TTLL1: variants seen among roughly 807,000 people sequenced by gnomAD.
TTLL1 encodes the protein polyglutamylase complex subunit TTLL1.
TTLL1 carries 33 observed loss-of-function variants against 47.8 expected under a neutral mutation model. The ratio of observed to expected loss-of-function variants is 0.69; its 90% confidence interval spans 0.52 to 0.92. The LOEUF (loss-of-function observed/expected upper bound fraction) is 0.92, where lower values mean the gene tolerates loss of function less well. Among genes scored for constraint, TTLL1 ranks in the 40% least tolerant of loss-of-function variants. The pLI, the probability that TTLL1 is intolerant of heterozygous loss-of-function variation, is 0.00. For missense variants in TTLL1, 488 were observed against 547.5 expected, an observed-to-expected ratio of 0.89 and a Z score of 1.08; for synonymous variants, 225 against 214.1, an observed-to-expected ratio of 1.05 and a Z score of -0.45.
At chr22:43,064,483 T>C (rs181179677) in intron 5 of TTLL1, among the ~76,000 whole-genome samples, 159 bp from the exon 6 acceptor site, 93 of 152,252 alleles carry the variant, frequency 6.1e-4, no homozygotes, top group African/African-American at 2.0e-3. Context: ...CCCAGCACTT[T>C]GGGAGGCGAG....
intron 8 of TTLL1, among the ~76,000 whole-genome samples, chr22:43,058,280 A>C (rs556422752): frequency 1.3e-5 from 2 of 152,146 alleles, no homozygotes; most frequent in Admixed American, 6.6e-5. Context: ...GCTGGTGCTC[A>C]TATGTTCATT....
chr22:43,070,734 T>G (rs1471799632), intron 3 of TTLL1, among the ~76,000 whole-genome samples: 1 of 152,132 alleles, frequency 6.6e-6, no homozygotes, highest in Non-Finnish European at 1.5e-5. Flanking sequence ...CCAGTCTCGT[T>G]TAGTCTGAAC....
chr22:43,078,055 C>T (rs1928624744), intron 2 of TTLL1, among the ~76,000 whole-genome samples: 1 of 151,668 alleles, frequency 6.6e-6, no homozygotes, highest in African/African-American at 2.4e-5. Flanking sequence ...TGCTGTGAGC[C>T]AGGATGACGC....
intron 10 of TTLL1, 22 bp downstream of exon 10, chr22:43,046,388 G>T: frequency 1.2e-6 from 2 of 1,611,744 alleles, no homozygotes; most frequent in Admixed American, 1.7e-5. Context: ...AAGGACAAGC[G>T]CACAGTCACA....
intron 7 of TTLL1, among the ~76,000 whole-genome samples, chr22:43,061,649 C>A (rs1380869781): frequency 6.6e-6 from 1 of 152,162 alleles, no homozygotes; most frequent in Admixed American, 6.6e-5. Context: ...ATTAGAGCCC[C>A]TAACCTGAAC....
chr22:43,065,749 T>C (rs1362553232), intron 5 of TTLL1, among the ~76,000 whole-genome samples: 4 of 152,062 alleles, frequency 2.6e-5, no homozygotes, highest in Admixed American at 2.6e-4. Context: ...GCTAATCAGT[T>C]TGCTAACTTT....
At chr22:43,050,830 ATTCTGTT>A (rs1445608731) in intron 9 of TTLL1, among the ~76,000 whole-genome samples, 1 of 152,194 alleles carries the variant, frequency 6.6e-6, no homozygotes, top group Non-Finnish European at 1.5e-5. Context: ...GCCTCAAGTT[ATTCTGTT>A]TAACATGGAG....
At chr22:43,073,825 A>ATTT (rs201227645) in intron 3 of TTLL1, among the ~76,000 whole-genome samples, 2 of 143,304 alleles carry the variant, frequency 1.4e-5, no homozygotes, top group African/African-American at 5.3e-5. Context: ...TTATTTATTT[A>ATTT]TTTATTTATT....
At chr22:43,070,813 T>C (rs919917235) in intron 3 of TTLL1, among the ~76,000 whole-genome samples, 1 of 152,188 alleles carries the variant, frequency 6.6e-6, no homozygotes, top group Non-Finnish European at 1.5e-5. Context: ...ATCCAAAGCA[T>C]TTCTGTAAGA....
At chr22:43,059,290 A>T (rs373403966) in intron 8 of TTLL1, 94 bp downstream of exon 8, 17 of 1,507,422 alleles carry the variant, frequency 1.1e-5, no homozygotes, top group Non-Finnish European at 1.4e-5. Context: ...CGCCGCGCAC[A>T]GCTGAAAACA....
chr22:43,080,848 T>C (rs893247646), intron 1 of TTLL1, among the ~76,000 whole-genome samples: 1 of 147,106 alleles, frequency 6.8e-6, no homozygotes, highest in Admixed American at 7.0e-5. Context: ...GTACATTCCT[T>C]CTATAAACAC....
intron 1 of TTLL1, among the ~76,000 whole-genome samples, chr22:43,086,445 G>A (rs1929234134): frequency 6.6e-6 from 1 of 152,118 alleles, no homozygotes; most frequent in Admixed American, 6.6e-5. Context: ...AGCTCAAAGA[G>A]AAGGTTTCCC....
chr22:43,042,517 A>C (rs938059268), intron 10 of TTLL1, among the ~76,000 whole-genome samples: 4 of 152,222 alleles, frequency 2.6e-5, no homozygotes, highest in African/African-American at 4.8e-5. Flanking sequence ...AGGGTCCTGG[A>C]GGTGGCAGAT....
chr22:43,074,935 G>T (rs1928384638), intron 3 of TTLL1, among the ~76,000 whole-genome samples: 1 of 152,074 alleles, frequency 6.6e-6, no homozygotes, highest in South Asian at 2.1e-4. Context: ...CAGCACTTTG[G>T]GAGGCCGAGG....
At chr22:43,042,389 A>G (rs1204233377) in intron 10 of TTLL1, among the ~76,000 whole-genome samples, 2 of 152,232 alleles carry the variant, frequency 1.3e-5, no homozygotes, top group East Asian at 3.9e-4. Context: ...ATCAGAGCCA[A>G]GATGGCTCTT....
chr22:43,043,606 C>A (rs1925873493), intron 10 of TTLL1, among the ~76,000 whole-genome samples: 1 of 152,074 alleles, frequency 6.6e-6, no homozygotes, highest in Non-Finnish European at 1.5e-5. Context: ...AACTCTCTGC[C>A]CATCATCGCA....
chr22:43,066,422 G>A (rs564714426), intron 5 of TTLL1, among the ~76,000 whole-genome samples: 1 of 151,888 alleles, frequency 6.6e-6, no homozygotes, highest in East Asian at 2.0e-4. Context: ...GGCTAGCAAA[G>A]TGTAATTAGA....
At chr22:43,062,115 C>A (rs1008669207) in intron 7 of TTLL1, among the ~76,000 whole-genome samples, 6 of 152,176 alleles carry the variant, frequency 3.9e-5, no homozygotes, top group Admixed American at 3.3e-4. Flanking sequence ...GACCAACTCA[C>A]ATAGGTACTC....
At chr22:43,081,356 G>A (rs763845571) in intron 1 of TTLL1, among the ~76,000 whole-genome samples, 7 of 152,086 alleles carry the variant, frequency 4.6e-5, no homozygotes, top group African/African-American at 7.2e-5. Context: ...GAGGGAGTGG[G>A]TAAACCCTCC....
Sources: gnomAD v4.1 joint callset for allele counts (sites outside exome capture counted in the v4.1 genomes callset) on GRCh38, gnomAD v4.1.1 for gene constraint, MANE v1.5 for transcripts, NCBI Gene and HGNC (gene_info 2026-07-23, HGNC 2026-07-21) for gene names.